The following ST7L variants were observed in gnomAD, a reference collection of about 807,000 sequenced individuals.
The protein encoded by ST7L is suppression of tumorigenicity 7 like.
ST7L carries 57 observed loss-of-function variants against 72.5 expected under a neutral mutation model. The observed-to-expected ratio is 0.79, with a 90% CI of 0.64 to 0.98. The LOEUF (loss-of-function observed/expected upper bound fraction) is 0.98, where lower values mean the gene tolerates loss of function less well. ST7L is among the 50% of genes least tolerant of loss of function. The pLI, the probability that ST7L is intolerant of heterozygous loss-of-function variation, is 0.00. For synonymous variants in ST7L, 221 were observed against 240.9 expected, an observed-to-expected ratio of 0.92 and a Z score of 0.77; for missense variants, 576 against 672.2, an observed-to-expected ratio of 0.86 and a Z score of 1.58.
chr1:112,533,432 C>A lies in ST7L; in HGVS notation c.1630-7321G>T, dbSNP rs141765816. Among the ~76,000 whole-genome samples, 678 of 152,000 alleles carry A rather than the reference C, an allele frequency of 4.5e-3. 1 individual carries two copies. The highest frequency in any genetic ancestry group is 0.016 in the African/African-American group (646 of 41,432). On this transcript the variant is annotated intron_variant, in intron 14 of 14. Transcript: ENST00000358039. ...CTCCTGGGTTCAAGTGATTCTCCTG[C>A]CTCAGCCTCCCAAGTAGCTGGGACT...
downstream of ST7L, chr1:112,521,214 G>A (rs1652853810): frequency 6.6e-6 from 1 of 152,102 alleles, no homozygotes; most frequent in Admixed American, 6.6e-5. Context: ...AAACTGAGGT[G>A]GAATGCAGTG....
intron 14 of ST7L, chr1:112,530,168 C>T (rs1654137758): frequency 6.6e-6 from 1 of 152,144 alleles, no homozygotes; most frequent in Admixed American, 6.5e-5. Flanking sequence ...AAGCCGAATC[C>T]CCAGTTTTCT....
intron 6 of ST7L, among the ~76,000 whole-genome samples, chr1:112,585,891 CAAGAG>C (rs1379927506): frequency 6.6e-6 from 1 of 152,068 alleles, no homozygotes; most frequent in Admixed American, 6.5e-5. Context: ...CTTATCTCAG[CAAGAG>C]GAGAGAAATT....
intron 11 of ST7L, chr1:112,571,223 G>A (rs1050087565): frequency 4.5e-5 from 19 of 419,836 alleles, no homozygotes; most frequent in East Asian, 7.3e-5. Context: ...CATAACACTC[G>A]GCTTAAAGGG....
intron 13 of ST7L, among the ~76,000 whole-genome samples, chr1:112,545,757 C>T (rs1003782174): frequency 2.6e-5 from 4 of 152,198 alleles, no homozygotes; most frequent in Non-Finnish European, 5.9e-5. Flanking sequence ...TTCTGCCACT[C>T]ATTGCTTAGA....
At chr1:112,605,433 G>A (rs1034943938) in intron 3 of ST7L, among the ~76,000 whole-genome samples, 1 of 150,972 alleles carries the variant, frequency 6.6e-6, no homozygotes, top group African/African-American at 2.4e-5. Context: ...GCTCATGCCT[G>A]TAATCCCAGC....
intron 1 of ST7L, chr1:112,618,393 A>G (rs1184924484): frequency 2.6e-6 from 1 of 378,612 alleles, no homozygotes; most frequent in Non-Finnish European, 3.6e-6. Flanking sequence ...CAAAACTATC[A>G]CGAAAACGAT....
intron 11 of ST7L, among the ~76,000 whole-genome samples, chr1:112,566,533 G>A (rs1336556901): frequency 1.3e-5 from 2 of 151,902 alleles, no homozygotes; most frequent in East Asian, 1.9e-4. Flanking sequence ...TCCTGACCTC[G>A]TGATCCGCCC....
chr1:112,556,661 G>GT (rs1659157071), intron 11 of ST7L, among the ~76,000 whole-genome samples: 1 of 152,018 alleles, frequency 6.6e-6, no homozygotes, highest in Admixed American at 6.6e-5. Flanking sequence ...CAAGACTACG[G>GT]TGAGTACTTT....
chr1:112,545,462 A>G (rs1557956180), intron 13 of ST7L, among the ~76,000 whole-genome samples: 1 of 152,250 alleles, frequency 6.6e-6, no homozygotes, highest in Non-Finnish European at 1.5e-5. Context: ...TTGATGTTCC[A>G]TAATTTAAGG....
At chr1:112,586,091 C>T (rs1321678214) in intron 6 of ST7L, among the ~76,000 whole-genome samples, 1 of 152,186 alleles carries the variant, frequency 6.6e-6, no homozygotes, top group Non-Finnish European at 1.5e-5. Flanking sequence ...CATTACATTA[C>T]ACTAGATCCC....
chr1:112,602,388 C>T (rs912769101), intron 3 of ST7L, among the ~76,000 whole-genome samples: 11 of 152,134 alleles, frequency 7.2e-5, no homozygotes, highest in Non-Finnish European at 1.5e-4. Context: ...GTACATCAGG[C>T]ACCTGCCTCA....
intron 6 of ST7L, among the ~76,000 whole-genome samples, chr1:112,587,630 C>T (rs567039207): frequency 6.6e-6 from 1 of 152,320 alleles, no homozygotes; most frequent in African/African-American, 2.4e-5. Context: ...AAACCATCAA[C>T]TGACCATAGA....
intron 11 of ST7L, among the ~76,000 whole-genome samples, chr1:112,557,391 C>T (rs1659377443): frequency 6.6e-6 from 1 of 152,134 alleles, no homozygotes; most frequent in Non-Finnish European, 1.5e-5. Flanking sequence ...AAGGTTCACC[C>T]AGTTTGTAGC....
At chr1:112,582,154 C>G (rs1305151968) in intron 8 of ST7L, 48 bp from the exon 9 acceptor site, 1 of 1,367,454 alleles carries the variant, frequency 7.3e-7, no homozygotes, top group Non-Finnish European at 1.0e-6. Flanking sequence ...CAAAGGAACT[C>G]AATAGAGCTG....
rs115638845 is a variant in ST7L, at chr1:112,610,238, T to C, written c.451+603A>G. 5.2e-3 allele frequency among the ~76,000 whole-genome samples: 793 copies of C among 152,164 alleles called. 3 individuals are homozygous for C. Among genetic ancestry groups the C allele is most frequent in the African/African-American group, 0.018 (756 of 41,518 alleles). On this transcript the variant is annotated intron_variant, in intron 3 of 14. Transcript: ENST00000358039. The stretch of plus-strand genomic sequence containing the variant: ...CCCGGATTTCTTTCCTTCCTACTGA[T>C]TGGAATGTGGATATGATGGCTGAAG...
chr1:112,568,861 A>AATATAAATAAATAT (rs61349207), intron 11 of ST7L, among the ~76,000 whole-genome samples: 9,787 of 114,740 alleles, frequency 0.085, 529 homozygotes, highest in Non-Finnish European at 0.1. Flanking sequence ...TATAAATATA[A>AATATAAATAAATAT]ATATATATAT....
intron 13 of ST7L, among the ~76,000 whole-genome samples, chr1:112,545,251 T>C (rs1047998430): frequency 1.3e-5 from 2 of 151,602 alleles, no homozygotes; most frequent in African/African-American, 4.8e-5. Context: ...CTTCTGGAGT[T>C]TGCACCAAGT....
chr1:112,557,478 T>G (rs1034668768), intron 11 of ST7L, among the ~76,000 whole-genome samples: 10 of 152,232 alleles, frequency 6.6e-5, no homozygotes, highest in Non-Finnish European at 1.5e-4. Context: ...TATGTTCTGT[T>G]TATCCATTCA....
Sources: allele counts gnomAD v4.1 joint callset (sites outside exome capture counted in the v4.1 genomes callset), GRCh38; gene constraint gnomAD v4.1.1; transcripts MANE v1.5; gene names NCBI Gene and HGNC (gene_info 2026-07-23, HGNC 2026-07-21).